PRKCH: variants seen among roughly 807,000 people sequenced by gnomAD.
PRKCH encodes the protein protein kinase C eta.
A neutral mutation model predicts 82.5 loss-of-function variants in PRKCH; 28 were observed. The observed-to-expected ratio is 0.34, with a 90% CI of 0.25 to 0.47. The LOEUF (loss-of-function observed/expected upper bound fraction) is 0.47. Among genes scored for constraint, PRKCH ranks in the 20% least tolerant of loss-of-function variants. PRKCH has a pLI of 1.00. For synonymous variants in PRKCH, 322 were observed against 327.4 expected, an observed-to-expected ratio of 0.98 and a Z score of 0.18; for missense variants, 705 against 881.8, an observed-to-expected ratio of 0.80 and a Z score of 2.54.
At chr14:61,526,524 G>A (rs1389813121) in intron 10 of PRKCH, among the ~76,000 whole-genome samples, 1 of 152,182 alleles carries the variant, frequency 6.6e-6, no homozygotes, top group African/African-American at 2.4e-5. Flanking sequence ...TGTAAGACCT[G>A]TATGGCCAGG....
rs78034452 is a variant in PRKCH, at chr14:61,479,512, C to T, written c.1279-5990C>T. Among the ~76,000 whole-genome samples, 3 of 152,144 alleles carry T rather than the reference C, an allele frequency of 2.0e-5. No individual in the cohort carries two copies. The East Asian group carries it at 5.8e-4, about 29-fold the overall frequency. ...AGGATCTTGCCCTGCCTGGTCCATG[C>T]TCGCTCTCCAGTCACTTTCCTTAGT... is the stretch of plus-strand genomic sequence containing the variant. On this transcript the variant is annotated intron_variant, in intron 9 of 13. Transcript: ENST00000332981.
chr14:61,462,712 T>C (rs1885080189), intron 9 of PRKCH, among the ~76,000 whole-genome samples: 4 of 152,164 alleles, frequency 2.6e-5, no homozygotes, highest in Admixed American at 2.0e-4. Flanking sequence ...TGCTAATCAG[T>C]GTGTAATGCT....
intron 1 of PRKCH, among the ~76,000 whole-genome samples, chr14:61,244,031 C>T (rs2044861447): frequency 6.6e-6 from 1 of 152,064 alleles, no homozygotes; most frequent in Admixed American, 6.5e-5. Context: ...TCACCGCAGC[C>T]TGGCTCTCCC....
intron 1 of PRKCH, among the ~76,000 whole-genome samples, chr14:61,243,885 AG>A (rs1381342928): frequency 1.3e-5 from 2 of 151,468 alleles, no homozygotes; most frequent in Non-Finnish European, 2.9e-5. Context: ...CCAAGGTGGG[AG>A]GTTTGCCTGA....
chr14:61,262,930 A>G (rs1427657876), intron 1 of PRKCH, among the ~76,000 whole-genome samples: 2 of 152,144 alleles, frequency 1.3e-5, no homozygotes, highest in African/African-American at 4.8e-5. Context: ...AATCACTTTA[A>G]TATACATTAT....
intron 1 of PRKCH, among the ~76,000 whole-genome samples, chr14:61,258,202 AC>A (rs1402190384): frequency 3.4e-4 from 52 of 152,314 alleles, no homozygotes; most frequent in African/African-American, 1.2e-3. Context: ...ATTACCTTTC[AC>A]CCTGGAAATA....
At chr14:61,301,916 G>A (rs1189697919) in intron 1 of PRKCH, among the ~76,000 whole-genome samples, 1 of 152,168 alleles carries the variant, frequency 6.6e-6, no homozygotes, top group East Asian at 1.9e-4. Context: ...ACCACAAAAA[G>A]TTTATGATAT....
At chr14:61,484,872 G>A (rs557898702) in intron 9 of PRKCH, among the ~76,000 whole-genome samples, 1 of 150,120 alleles carries the variant, frequency 6.7e-6, no homozygotes, top group South Asian at 2.1e-4. Context: ...GGGCTCAGGT[G>A]ATCCTCCTGC....
At chr14:61,299,219 G>A (rs2045430269) in intron 1 of PRKCH, among the ~76,000 whole-genome samples, 1 of 152,170 alleles carries the variant, frequency 6.6e-6, no homozygotes, top group Non-Finnish European at 1.5e-5. Context: ...AATCCTCATG[G>A]TGGTTCCAGA....
At chr14:61,249,402 T>C (rs1481597469) in intron 1 of PRKCH, among the ~76,000 whole-genome samples, 1 of 152,030 alleles carries the variant, frequency 6.6e-6, no homozygotes. Flanking sequence ...AAGGTGTCTG[T>C]TTTGTACACA....
chr14:61,252,689 T>C (rs2044956660), intron 1 of PRKCH, among the ~76,000 whole-genome samples: 1 of 152,238 alleles, frequency 6.6e-6, no homozygotes, highest in Non-Finnish European at 1.5e-5. Flanking sequence ...GTAAAACTAA[T>C]AATTTTCCAA....
intron 2 of PRKCH, among the ~76,000 whole-genome samples, chr14:61,425,574 G>C (rs1883062998): frequency 6.6e-6 from 1 of 152,230 alleles, no homozygotes; most frequent in Non-Finnish European, 1.5e-5. Context: ...GAACTAACTT[G>C]ATTTTGATTT....
In PRKCH at chr14:61,394,979, T is replaced by C. The variant is rs533066455; in HGVS notation, c.427+3691T>C. 2.5e-3 allele frequency among the ~76,000 whole-genome samples: 380 copies of C among 152,346 alleles called. 2 individuals carry two copies. The highest frequency in any genetic ancestry group is 4.4e-3 in the Non-Finnish European group (301 of 68,034). On this transcript the variant is annotated intron_variant, in intron 2 of 13. Coordinates refer to ENST00000332981, the MANE Select transcript of PRKCH (RefSeq NM_006255.5). Reference sequence around the variant, plus strand: ...CTAATTCACACTACAGTGATAGAGATTGATGTCATAGTACTCTATTCCTCT... The same window carrying C: ...CTAATTCACACTACAGTGATAGAGACTGATGTCATAGTACTCTATTCCTCT...
At chr14:61,526,005 C>A (rs2042961331) in intron 10 of PRKCH, among the ~76,000 whole-genome samples, 1 of 152,198 alleles carries the variant, frequency 6.6e-6, no homozygotes, top group Non-Finnish European at 1.5e-5. Flanking sequence ...GCACCCAGGC[C>A]TTATAGTGCC....
At chr14:61,490,280 A>G (rs1339200077) in intron 10 of PRKCH, among the ~76,000 whole-genome samples, 5 of 152,218 alleles carry the variant, frequency 3.3e-5, no homozygotes, top group South Asian at 2.1e-4. Context: ...TACGTGGCAC[A>G]TGAACTTTTC....
chr14:61,322,392 C>T lies in PRKCH; in HGVS notation c.291C>T (p.Phe97=), dbSNP rs561279740. 72 of 1,612,716 alleles carry T rather than the reference C, an allele frequency of 4.5e-5. No homozygotes were observed. The South Asian group carries it at 6.8e-4, about 15-fold the overall frequency. The part of the protein sequence containing the change: ...FHETPLGYDH[F]VANCTLQFQE... ...AGACGCCCCTGGGCTACGACCACTTCGTGGCCAACTGCACCCTGCAGTTCC... is the reference window on the plus strand; with the variant it reads ...AGACGCCCCTGGGCTACGACCACTTTGTGGCCAACTGCACCCTGCAGTTCC... Residue 97 remains phenylalanine (F), a synonymous_variant, in exon 1 of 14, where the codon TTC becomes TTT. Transcript: ENST00000332981.
chr14:61,391,461 G>T (rs577858472), intron 2 of PRKCH, among the ~76,000 whole-genome samples, 173 bp downstream of exon 2: 33 of 152,268 alleles, frequency 2.2e-4, no homozygotes, highest in African/African-American at 6.7e-4. Context: ...ATTGGTTCAG[G>T]TTGCCAAATT....
At chr14:61,422,607 G>T (rs1399591424) in intron 2 of PRKCH, among the ~76,000 whole-genome samples, 1 of 152,166 alleles carries the variant, frequency 6.6e-6, no homozygotes, top group Admixed American at 6.5e-5. Flanking sequence ...ACCATCGGGG[G>T]TCCCTCTGCC....
chr14:61,349,659 G>A (rs56098923), intron 1 of PRKCH, among the ~76,000 whole-genome samples: 11 of 152,164 alleles, frequency 7.2e-5, no homozygotes, highest in South Asian at 4.1e-4. Context: ...TCAGGAGTTC[G>A]AGACCAGCCT....
Sources: allele counts gnomAD v4.1 joint callset (sites outside exome capture counted in the v4.1 genomes callset), GRCh38; gene constraint gnomAD v4.1.1; transcripts MANE v1.5; gene names NCBI Gene and HGNC (gene_info 2026-07-23, HGNC 2026-07-21).